Variants in HS6ST3 observed in about 807,000 individuals in gnomAD.
The protein encoded by HS6ST3 is heparan-sulfate 6-O-sulfotransferase 3.
HS6ST3 carries 12 observed loss-of-function variants against 36.7 expected under a neutral mutation model. That is an observed-to-expected ratio of 0.33 (90% CI 0.21 to 0.53). HS6ST3 has a LOEUF of 0.53. Among genes scored for constraint, HS6ST3 ranks in the 20% least tolerant of loss-of-function variants. The probability of loss-of-function intolerance (pLI) is 0.95; values close to 1 mark genes in which losing one functional copy is unlikely to be tolerated. For synonymous variants in HS6ST3, 240 were observed against 257.5 expected (o/e 0.93, Z 0.65); for missense variants, 584 against 640.9 (o/e 0.91, Z 0.96).
chr13:96,785,326 C>T (rs922426345), intron 1 of HS6ST3, among the ~76,000 whole-genome samples: 1 of 152,108 alleles, frequency 6.6e-6, no homozygotes, highest in African/African-American at 2.4e-5. Context: ...TGATTAGAAT[C>T]AGAATGTAGA....
chr13:96,301,898 TATAATAATAATA>T (rs71113989), intron 1 of HS6ST3, among the ~76,000 whole-genome samples: 2,152 of 137,740 alleles, frequency 0.016, 65 homozygotes, highest in African/African-American at 0.053. Context: ...AGACTCCATC[TATAATAATAATA>T]ATAATAATAA....
At chr13:96,789,894 AT>A (rs1036621988) in intron 1 of HS6ST3, among the ~76,000 whole-genome samples, 4 of 151,850 alleles carry the variant, frequency 2.6e-5, no homozygotes, top group African/African-American at 9.6e-5. Context: ...CTGGGTTGGA[AT>A]TTTTTTAAGT....
chr13:96,133,802 C>CA (rs1299589798), intron 1 of HS6ST3, among the ~76,000 whole-genome samples: 8 of 147,388 alleles, frequency 5.4e-5, no homozygotes, highest in East Asian at 4.0e-4. Flanking sequence ...TGATCATAGA[C>CA]AAAAAAAATC....
chr13:96,563,889 A>G (rs2056271638), intron 1 of HS6ST3, among the ~76,000 whole-genome samples: 1 of 152,150 alleles, frequency 6.6e-6, no homozygotes, highest in Admixed American at 6.5e-5. Flanking sequence ...GGCTCATGCC[A>G]TATGGTTACG....
chr13:96,237,049 C>A (rs1210790912), intron 1 of HS6ST3, among the ~76,000 whole-genome samples: 1 of 152,128 alleles, frequency 6.6e-6, no homozygotes, highest in African/African-American at 2.4e-5. Flanking sequence ...AGGGGGAAGC[C>A]CCTTATAAAA....
chr13:96,131,089 A>G (rs1163692707), intron 1 of HS6ST3, among the ~76,000 whole-genome samples: 1 of 152,162 alleles, frequency 6.6e-6, no homozygotes, highest in Non-Finnish European at 1.5e-5. Context: ...TGATCTTTCT[A>G]GGCTTTCCTC....
chr13:96,202,472 G>C (rs1010168894), intron 1 of HS6ST3, among the ~76,000 whole-genome samples: 4 of 152,004 alleles, frequency 2.6e-5, no homozygotes, highest in Non-Finnish European at 5.9e-5. Flanking sequence ...GATTTTGCAC[G>C]TCATCTCTTC....
At chr13:96,532,040 T>C (rs986067083) in intron 1 of HS6ST3, among the ~76,000 whole-genome samples, 2 of 152,144 alleles carry the variant, frequency 1.3e-5, no homozygotes, top group African/African-American at 4.8e-5. Context: ...GGCCATCTGG[T>C]CACCTGAGCC....
intron 1 of HS6ST3, among the ~76,000 whole-genome samples, chr13:96,517,509 T>C (rs988774918): frequency 6.6e-6 from 1 of 152,188 alleles, no homozygotes; most frequent in Non-Finnish European, 1.5e-5. Context: ...CATTGGTCTT[T>C]TATATTTTCC....
intron 1 of HS6ST3, among the ~76,000 whole-genome samples, chr13:96,181,656 A>G (rs958791543): frequency 1.3e-5 from 2 of 152,120 alleles, no homozygotes; most frequent in African/African-American, 4.8e-5. Context: ...TGATCCTAGG[A>G]TGGAGGATGC....
In HS6ST3 at chr13:96,623,202, A is replaced by C. The variant is rs536305847; in HGVS notation, c.708-209288A>C. On this transcript the variant is annotated intron_variant, in intron 1 of 1. Coordinates refer to ENST00000376705, the MANE Select transcript of HS6ST3 (RefSeq NM_153456.4). Reference sequence around the variant, plus strand: ...GGTGGAAGGCAGGAATCCCAGGAGTATTACCAGCCAAGAATCAGGGTAAAG... The same window carrying C: ...GGTGGAAGGCAGGAATCCCAGGAGTCTTACCAGCCAAGAATCAGGGTAAAG... Among the ~76,000 whole-genome samples the C allele has an allele frequency of 2.0e-5, 3 of 152,274 alleles. No individual in the cohort carries two copies. The South Asian group carries it at 6.2e-4, about 32-fold the overall frequency.
intron 1 of HS6ST3, among the ~76,000 whole-genome samples, chr13:96,267,688 G>T (rs551381530): frequency 6.6e-6 from 1 of 151,904 alleles, no homozygotes; most frequent in African/African-American, 2.4e-5. Flanking sequence ...AATGTCTGAG[G>T]CTGATTTTAT....
At chr13:96,579,104 C>G (rs1351980280) in intron 1 of HS6ST3, among the ~76,000 whole-genome samples, 1 of 152,004 alleles carries the variant, frequency 6.6e-6, no homozygotes, top group Non-Finnish European at 1.5e-5. Context: ...AACATGAAAG[C>G]TTTGTAGGTG....
intron 1 of HS6ST3, among the ~76,000 whole-genome samples, chr13:96,646,412 A>G (rs1252921824): frequency 2.0e-5 from 3 of 152,064 alleles, no homozygotes; most frequent in Non-Finnish European, 4.4e-5. Context: ...TTGAATGTGA[A>G]TCATTCTTTC....
At chr13:96,173,293 A>G (rs960669095) in intron 1 of HS6ST3, among the ~76,000 whole-genome samples, 1 of 152,200 alleles carries the variant, frequency 6.6e-6, no homozygotes, top group Non-Finnish European at 1.5e-5. Flanking sequence ...CTTGTTCATG[A>G]TAGCACCATT....
chr13:96,457,510 A>G (rs2055759815), intron 1 of HS6ST3, among the ~76,000 whole-genome samples: 1 of 152,180 alleles, frequency 6.6e-6, no homozygotes, highest in South Asian at 2.1e-4. Context: ...CCTGTTGATT[A>G]TTGTATAGGT....
intron 1 of HS6ST3, among the ~76,000 whole-genome samples, chr13:96,434,114 A>C (rs890352440): frequency 8.6e-5 from 13 of 152,022 alleles, no homozygotes; most frequent in Admixed American, 7.2e-4. Context: ...CACCCTGCCT[A>C]CTCCATATCT....
chr13:96,218,864 C>A (rs984148898), intron 1 of HS6ST3, among the ~76,000 whole-genome samples: 7 of 152,132 alleles, frequency 4.6e-5, no homozygotes, highest in South Asian at 4.2e-4. Flanking sequence ...TTTTGTTTTT[C>A]TCTCCAGTCC....
intron 1 of HS6ST3, among the ~76,000 whole-genome samples, chr13:96,576,300 G>A (rs1425093904): frequency 2.0e-5 from 3 of 146,376 alleles, no homozygotes; most frequent in South Asian, 2.2e-4. Flanking sequence ...AGCCTGCCAC[G>A]TTTCCCTTGA....
Sources: allele counts gnomAD v4.1 joint callset (sites outside exome capture counted in the v4.1 genomes callset), GRCh38; gene constraint gnomAD v4.1.1; transcripts MANE v1.5; gene names NCBI Gene and HGNC (gene_info 2026-07-23, HGNC 2026-07-21).